FAM117B: variants seen among roughly 807,000 people sequenced by gnomAD.
FAM117B encodes family with sequence similarity 117 member B, also known as protein FAM117B.
In FAM117B, 22 loss-of-function variants were observed where a neutral mutation model predicts 52.8. The ratio of observed to expected loss-of-function variants is 0.42; its 90% CI spans 0.30 to 0.59. The LOEUF is 0.59. Ranked by LOEUF, FAM117B falls within the 20% of genes least tolerant of loss-of-function variation. The probability of loss-of-function intolerance (pLI) is 0.22; values close to 1 mark genes in which losing one functional copy is unlikely to be tolerated. For missense variants in FAM117B, 678 were observed against 802.6 expected (o/e 0.84, Z 1.88); for synonymous variants, 309 against 324.1 (o/e 0.95, Z 0.50).
chr2:202,661,770 G>T (rs945573480), intron 1 of FAM117B, among the ~76,000 whole-genome samples: 1 of 152,018 alleles, frequency 6.6e-6, no homozygotes, highest in African/African-American at 2.4e-5. Context: ...ACAAAAATTA[G>T]CCGGGCATGG....
At chr2:202,761,890 T>TA (rs1398734883) in intron 7 of FAM117B, among the ~76,000 whole-genome samples, 1 of 152,006 alleles carries the variant, frequency 6.6e-6, no homozygotes, top group East Asian at 1.9e-4. Flanking sequence ...TTTTTTTTTT[T>TA]AATGTAATGT....
intron 7 of FAM117B, among the ~76,000 whole-genome samples, chr2:202,761,739 C>T (rs1420478819): frequency 6.6e-6 from 1 of 152,106 alleles, no homozygotes; most frequent in Non-Finnish European, 1.5e-5. Context: ...ATTGGCCAGG[C>T]TAGTCTCGAA....
chr2:202,747,293 A>G (rs1226704102), intron 4 of FAM117B, among the ~76,000 whole-genome samples: 8 of 152,306 alleles, frequency 5.3e-5, no homozygotes, highest in African/African-American at 1.9e-4. Context: ...TAATAAAAGC[A>G]ATAGGTGACA....
chr2:202,714,279 A>C (rs2105783141), intron 2 of FAM117B, among the ~76,000 whole-genome samples: 1 of 152,212 alleles, frequency 6.6e-6, no homozygotes, highest in Non-Finnish European at 1.5e-5. Context: ...TGTGTATTCT[A>C]CAGCTGTTGG....
chr2:202,672,981 G>C (rs1485097684), intron 1 of FAM117B, among the ~76,000 whole-genome samples: 1 of 152,184 alleles, frequency 6.6e-6, no homozygotes, highest in East Asian at 1.9e-4. Context: ...CTGGAAGGTC[G>C]AGGCTACGGT....
intron 1 of FAM117B, among the ~76,000 whole-genome samples, chr2:202,652,101 T>C (rs1376007592): frequency 1.3e-5 from 2 of 151,632 alleles, no homozygotes; most frequent in Non-Finnish European, 2.9e-5. Context: ...CTGTTTATAT[T>C]ATTTTATTTT....
chr2:202,731,368 T>TATATATATATATATATA (rs780138718), intron 4 of FAM117B, among the ~76,000 whole-genome samples: 13 of 95,840 alleles, frequency 1.4e-4, no homozygotes, highest in Admixed American at 2.5e-4. Flanking sequence ...TATATATATA[T>TATATATATATATATATA]GGAGAGAGAG....
At chr2:202,753,876 A>G (rs935738422) in intron 4 of FAM117B, among the ~76,000 whole-genome samples, 7 of 152,210 alleles carry the variant, frequency 4.6e-5, no homozygotes, top group African/African-American at 1.7e-4. Context: ...TCAGAAAACA[A>G]TAGATGCTGG....
intron 1 of FAM117B, among the ~76,000 whole-genome samples, chr2:202,686,239 G>A (rs1690535616): frequency 6.6e-6 from 1 of 152,172 alleles, no homozygotes; most frequent in Non-Finnish European, 1.5e-5. Context: ...TAGAATGAAT[G>A]AAATGAAAAA....
At chr2:202,662,176 G>T (rs1690140994) in intron 1 of FAM117B, among the ~76,000 whole-genome samples, 1 of 151,692 alleles carries the variant, frequency 6.6e-6, no homozygotes, top group African/African-American at 2.4e-5. Flanking sequence ...GTACAGACTG[G>T]TAGTATATAG....
chr2:202,755,356 G>A (rs1164530444), intron 4 of FAM117B, among the ~76,000 whole-genome samples, 182 bp from the exon 5 acceptor site: 1 of 152,166 alleles, frequency 6.6e-6, no homozygotes, highest in Non-Finnish European at 1.5e-5. Flanking sequence ...TTCATTGTGT[G>A]GGATTTGGGT....
At position 202,694,188 on chromosome 2, in the gene FAM117B, C is replaced by CTTTTTTTTTTTTT. The variant is rs757843381; in HGVS notation, c.602-1684_602-1672dup. 4.1e-4 allele frequency among the ~76,000 whole-genome samples: 41 copies of CTTTTTTTTTTTTT among 99,058 alleles called. 2 individuals carry two copies. Among genetic ancestry groups the CTTTTTTTTTTTTT allele is most frequent in the African/African-American group, 1.7e-3 (38 of 22,862 alleles). 65.0% of individuals were successfully genotyped at this position (99,058 alleles called of 152,430 possible). ...GAAGATGTTATTGCAAAACCCACTT[C>CTTTTTTTTTTTTT]TTTTTTTTTTTTTTTTTTTTTGAGA... On this transcript the variant is annotated intron_variant, in intron 1 of 7. Coordinates refer to ENST00000392238, the MANE Select transcript of FAM117B (RefSeq NM_173511.4).
intron 3 of FAM117B, chr2:202,725,353 C>T (rs560475735): frequency 1.3e-5 from 2 of 155,076 alleles, no homozygotes; most frequent in Admixed American, 7.1e-5. Flanking sequence ...GAGTCTCGCT[C>T]TGTTGCCCAG....
intron 1 of FAM117B, among the ~76,000 whole-genome samples, chr2:202,669,213 A>T (rs1690254271): frequency 6.6e-6 from 1 of 152,192 alleles, no homozygotes; most frequent in Non-Finnish European, 1.5e-5. Context: ...GATTTGATAG[A>T]CACAAAAATC....
At chr2:202,730,146 A>G (rs993257596) in intron 4 of FAM117B, among the ~76,000 whole-genome samples, 1 of 152,156 alleles carries the variant, frequency 6.6e-6, no homozygotes, top group Non-Finnish European at 1.5e-5. Context: ...TTGGCATTCA[A>G]TCCTCATCTT....
chr2:202,667,348 G>T (rs1690221363), intron 1 of FAM117B, among the ~76,000 whole-genome samples: 2 of 151,868 alleles, frequency 1.3e-5, no homozygotes, highest in Admixed American at 6.6e-5. Context: ...TGATCCACCC[G>T]CCTCGGCCTC....
chr2:202,731,219 G>A (rs1691339274), intron 4 of FAM117B, among the ~76,000 whole-genome samples: 1 of 151,050 alleles, frequency 6.6e-6, no homozygotes, highest in African/African-American at 2.4e-5. Flanking sequence ...AATATAATTT[G>A]TCAATGGGGA....
intron 1 of FAM117B, among the ~76,000 whole-genome samples, chr2:202,673,517 G>T (rs1039673119): frequency 1.6e-5 from 2 of 125,896 alleles, no homozygotes; most frequent in African/African-American, 3.0e-5. Flanking sequence ...GTGCAATCTC[G>T]GCTCACTGCA....
intron 2 of FAM117B, among the ~76,000 whole-genome samples, chr2:202,706,952 T>G (rs1044735417): frequency 6.6e-6 from 1 of 152,222 alleles, no homozygotes; most frequent in Non-Finnish European, 1.5e-5. Context: ...TCGAAATCTT[T>G]ACTACTTGGA....
Sources: gnomAD v4.1 joint callset for allele counts (sites outside exome capture counted in the v4.1 genomes callset) on GRCh38, gnomAD v4.1.1 for gene constraint, MANE v1.5 for transcripts, NCBI Gene and HGNC (gene_info 2026-07-23, HGNC 2026-07-21) for gene names.